The following AMMECR1 variants were observed in gnomAD, a reference collection of about 807,000 sequenced individuals.
The protein encoded by AMMECR1 is AMMECR nuclear protein 1, also known as nuclear protein AMMECR1.
A neutral mutation model predicts 22.5 loss-of-function variants in AMMECR1; 3 were observed. That is an observed-to-expected ratio of 0.13 (90% CI 0.06 to 0.35). The LOEUF is 0.35. AMMECR1 is among the 10% of genes least tolerant of loss of function. AMMECR1 has a pLI of 1.00. For synonymous variants in AMMECR1, 130 were observed against 116.7 expected (o/e 1.11, Z -0.74); for missense variants, 235 against 278.7 (o/e 0.84, Z 1.12).
At chrX:110,253,172 G>C (rs914952471) in intron 2 of AMMECR1, among the ~76,000 whole-genome samples, 1 of 111,933 alleles carries the variant, frequency 8.9e-6, no homozygotes, top group African/African-American at 3.2e-5. Context: ...AGGTGAGAGG[G>C]GCAAGCTGAG....
intron 2 of AMMECR1, among the ~76,000 whole-genome samples, chrX:110,385,805 C>G (rs367739627): frequency 9.0e-6 from 1 of 111,300 alleles, no homozygotes; most frequent in African/African-American, 3.3e-5. Flanking sequence ...TTTTTCGGGC[C>G]TTGTCCACCT....
At position 110,292,391 on chromosome X, in the gene AMMECR1, A is replaced by G. The variant is rs772982211; in HGVS notation, c.473+25208T>C. On this transcript the variant is annotated intron_variant, in intron 1 of 5. Transcript: ENST00000262844. ...CCAAAGGAGCTGAAACCTTATGTCC[A>G]CACAAAACCCACAGAAAAATGGTGT... 5.0e-4 allele frequency among the ~76,000 whole-genome samples: 56 copies of G among 112,091 alleles called. 1 individual carries two copies. Among genetic ancestry groups the G allele is most frequent in the African/African-American group, 1.8e-3 (54 of 30,833 alleles).
At position 110,261,351 on chromosome X, in the gene AMMECR1, TTTTTG is replaced by T. The variant is rs201389041; in HGVS notation, c.584+3133_584+3137del. Among the ~76,000 whole-genome samples, 52 of 111,819 alleles carry T rather than the reference TTTTTG, an allele frequency of 4.7e-4. 1 individual carries two copies. In the East Asian group the frequency reaches 0.011, roughly 25 times the overall value. ...GAATGCCTTTAATTTCACTGCTTAT[TTTTTG>T]TTTTGTTTTATTTTGTTTTTTGTTT... On this transcript the variant is annotated intron_variant, in intron 2 of 5. Coordinates refer to ENST00000262844, the MANE Select transcript of AMMECR1 (RefSeq NM_015365.3).
At chrX:110,411,570 T>C (rs1466674876) in intron 2 of AMMECR1, among the ~76,000 whole-genome samples, 1 of 111,915 alleles carries the variant, frequency 8.9e-6, no homozygotes, top group Non-Finnish European at 1.9e-5. Flanking sequence ...CGAGAAACTG[T>C]AGAATCTATG....
intron 1 of AMMECR1, among the ~76,000 whole-genome samples, chrX:110,292,502 C>T (rs1391797859): frequency 1.8e-5 from 2 of 112,019 alleles, no homozygotes; most frequent in Non-Finnish European, 3.8e-5. Flanking sequence ...AACTATAGTA[C>T]ATCTAGACAA....
At chrX:110,377,541 T>G (rs758761882) in intron 2 of AMMECR1, among the ~76,000 whole-genome samples, 3 of 112,227 alleles carry the variant, frequency 2.7e-5, no homozygotes, top group African/African-American at 9.7e-5. Context: ...CGAACTATTA[T>G]GTACTATTCC....
rs1322937071 is a variant in AMMECR1 at position 110,224,949 on chromosome X, TAG to T, written c.585-8319_585-8318del. 8.5e-6 allele frequency: 3 copies of T among 351,134 alleles called. No individual in the cohort carries two copies. In the Admixed American group the frequency reaches 8.9e-5, roughly 10 times the overall value. 28.9% of individuals were successfully genotyped at this position (351,134 alleles called of 1,213,427 possible). ...TCTCCAAGCTGTTTTTTTTTAAAAT[TAG>T]TTTTTCGTTTTTTAAATTAAAAAAA... On this transcript the variant is annotated intron_variant, in intron 2 of 5. Transcript: ENST00000262844.
intron 2 of AMMECR1, chrX:110,219,632 T>C: frequency 1.3e-6 from 1 of 743,707 alleles, no homozygotes; most frequent in Non-Finnish European, 1.6e-6. Flanking sequence ...AAAAGAAGAA[T>C]GTTTAGAACA....
intron 2 of AMMECR1, among the ~76,000 whole-genome samples, chrX:110,242,205 C>T (rs1350567155): frequency 2.7e-5 from 3 of 111,825 alleles, no homozygotes; most frequent in Non-Finnish European, 3.8e-5. Flanking sequence ...TCCTCCTTTA[C>T]ATATACAGAA....
At chrX:110,303,414 T>C (rs1051618793) in intron 1 of AMMECR1, among the ~76,000 whole-genome samples, 1 of 111,869 alleles carries the variant, frequency 8.9e-6, no homozygotes, top group Non-Finnish European at 1.9e-5. Context: ...GAAATCTAAA[T>C]AGTTCAACCC....
At chrX:110,340,865 C>T (rs779243777) in intron 2 of AMMECR1, among the ~76,000 whole-genome samples, 11 of 112,555 alleles carry the variant, frequency 9.8e-5, no homozygotes, top group African/African-American at 3.5e-4. Context: ...GTCAATATTA[C>T]TGTCATATCC....
At chrX:110,347,218 C>T (rs1224653619) in intron 2 of AMMECR1, among the ~76,000 whole-genome samples, 1 of 113,616 alleles carries the variant, frequency 8.8e-6, no homozygotes, top group East Asian at 2.8e-4. Context: ...CTGAATCTTA[C>T]TATTGTTGGC....
At chrX:110,414,902 C>T (rs2068666479) in intron 2 of AMMECR1, among the ~76,000 whole-genome samples, 1 of 112,265 alleles carries the variant, frequency 8.9e-6, no homozygotes, top group Non-Finnish European at 1.9e-5. Flanking sequence ...CATGCAGTCA[C>T]ACAGTACTAT....
chrX:110,323,676 G>C (rs919015016), intron 2 of AMMECR1, among the ~76,000 whole-genome samples: 2 of 112,174 alleles, frequency 1.8e-5, no homozygotes, highest in South Asian at 7.4e-4. Context: ...TTGGGTGTTT[G>C]CACTTTTTGG....
chrX:110,301,884 T>C (rs2067968937), intron 1 of AMMECR1, among the ~76,000 whole-genome samples: 1 of 112,060 alleles, frequency 8.9e-6, no homozygotes, highest in Admixed American at 9.5e-5. Flanking sequence ...AAAAAAATTT[T>C]ATTTAAACAT....
Position 110,300,285 on chromosome X carries a change from T to A in AMMECR1, c.473+17314A>T, listed in dbSNP as rs150024718. 3.3e-3 allele frequency among the ~76,000 whole-genome samples: 376 copies of A among 112,382 alleles called. 3 individuals carry two copies. The highest frequency in any genetic ancestry group is 0.012 in the African/African-American group (358 of 30,984). On this transcript the variant is annotated intron_variant, in intron 1 of 5. Coordinates refer to ENST00000262844, the MANE Select transcript of AMMECR1 (RefSeq NM_015365.3). ...CTTGCATTTCCCTGATGATTAGTGATGTTGAGCACCTTTTCCTGTACCTAT... is the reference window on the plus strand; with the variant it reads ...CTTGCATTTCCCTGATGATTAGTGAAGTTGAGCACCTTTTCCTGTACCTAT...
chrX:110,237,354 A>C lies in AMMECR1; in HGVS notation c.585-20722T>G, dbSNP rs1187889070. ...TTCTCTGTGGGATTTCAGGTTAGTA[A>C]GCAGTCTAGGGGGATGGAGGACTTG... On this transcript the variant is annotated intron_variant, in intron 2 of 5. Coordinates refer to ENST00000262844, the MANE Select transcript of AMMECR1 (RefSeq NM_015365.3). Among the ~76,000 whole-genome samples, 8 of 111,006 alleles carry C rather than the reference A, an allele frequency of 7.2e-5. No homozygotes were observed. In the East Asian group the frequency reaches 2.3e-3, roughly 31 times the overall value.
At chrX:110,328,913 T>C (rs1201175784) in intron 2 of AMMECR1, among the ~76,000 whole-genome samples, 2 of 112,495 alleles carry the variant, frequency 1.8e-5, no homozygotes, top group African/African-American at 6.5e-5. Flanking sequence ...TTGTGAATAG[T>C]GCTGCAATAA....
chrX:110,388,295 T>A lies in AMMECR1; in HGVS notation c.-148+38363A>T, dbSNP rs753405680. ...TAAATAGGCACTCAGGTGGTATTTGTTATTGATTGATAGGATTCTGAAGAA... is the reference window on the plus strand; with the variant it reads ...TAAATAGGCACTCAGGTGGTATTTGATATTGATTGATAGGATTCTGAAGAA... On this transcript the variant is annotated intron_variant, in intron 2 of 7. Transcript: ENST00000372057. Among the ~76,000 whole-genome samples the A allele has an allele frequency of 2.7e-5, 3 of 112,205 alleles. No homozygotes were observed. In the South Asian group the frequency reaches 1.1e-3, roughly 42 times the overall value.
Sources: allele counts gnomAD v4.1 joint callset (sites outside exome capture counted in the v4.1 genomes callset), GRCh38; gene constraint gnomAD v4.1.1; transcripts MANE v1.5; gene names NCBI Gene and HGNC (gene_info 2026-07-23, HGNC 2026-07-21).